Variants in WSCD2 observed in about 807,000 individuals in gnomAD.
WSCD2 encodes WSC domain sialate O sulfotransferase 2.
A neutral mutation model predicts 55.7 loss-of-function variants in WSCD2; 28 were observed. That is an observed-to-expected ratio of 0.50 (90% CI 0.37 to 0.69). WSCD2 has a LOEUF of 0.69. Among genes scored for constraint, WSCD2 ranks in the 30% least tolerant of loss-of-function variants. The probability of loss-of-function intolerance (pLI) is 0.00; values close to 1 mark genes in which losing one functional copy is unlikely to be tolerated. For synonymous variants in WSCD2, 301 were observed against 301.9 expected (o/e 1.00, Z 0.03); for missense variants, 616 against 762.1 (o/e 0.81, Z 2.26).
intron 1 of WSCD2, among the ~76,000 whole-genome samples, chr12:108,136,608 G>A (rs1876249008): frequency 6.6e-6 from 1 of 152,052 alleles, no homozygotes; most frequent in Admixed American, 6.5e-5. Context: ...GTGAGTTAAG[G>A]GACCCCAGTC....
At chr12:108,134,221 T>A (rs1875922171) in intron 1 of WSCD2, among the ~76,000 whole-genome samples, 1 of 152,180 alleles carries the variant, frequency 6.6e-6, no homozygotes, top group African/African-American at 2.4e-5. Context: ...GGTGCATCAC[T>A]GTTCCCATTT....
At chr12:108,133,865 G>T (rs1313940562) in intron 1 of WSCD2, among the ~76,000 whole-genome samples, 1 of 152,212 alleles carries the variant, frequency 6.6e-6, no homozygotes, top group African/African-American at 2.4e-5. Context: ...TTAGGCAGAA[G>T]GTCTGAAAAT....
intron 1 of WSCD2, among the ~76,000 whole-genome samples, chr12:108,143,729 C>T (rs1024801925): frequency 4.6e-5 from 7 of 152,206 alleles, no homozygotes; most frequent in Non-Finnish European, 7.3e-5. Context: ...ATCCTGAAGA[C>T]TCAACCTGAA....
chr12:108,227,827 T>C (rs1007051924), intron 6 of WSCD2, among the ~76,000 whole-genome samples: 4 of 152,048 alleles, frequency 2.6e-5, no homozygotes, highest in African/African-American at 7.2e-5. Context: ...ATAATGGTGA[T>C]GATAGTGATA....
chr12:108,139,697 A>G (rs921445156), intron 1 of WSCD2, among the ~76,000 whole-genome samples: 4 of 152,242 alleles, frequency 2.6e-5, no homozygotes, highest in Admixed American at 6.5e-5. Context: ...GTGAATTCAC[A>G]TAGAAGCCCA....
At chr12:108,146,588 G>A (rs76628703) in intron 1 of WSCD2, among the ~76,000 whole-genome samples, 12,251 of 152,308 alleles carry the variant, frequency 0.08, 646 homozygotes, top group Non-Finnish European at 0.11. Flanking sequence ...GAGATAAACT[G>A]TCCCAGATGG....
At position 108,216,951 on chromosome 12, in the gene WSCD2, T is replaced by G. The variant is rs1886910421; in HGVS notation, c.682+6646T>G. 2.0e-5 allele frequency among the ~76,000 whole-genome samples: 3 copies of G among 152,372 alleles called. No homozygotes were observed. In the South Asian group the frequency reaches 6.2e-4, roughly 32 times the overall value. On this transcript the variant is annotated intron_variant, in intron 4 of 8. Coordinates refer to ENST00000547525, the MANE Select transcript of WSCD2 (RefSeq NM_014653.4). ...AAGAGCAGGCATATTAATGGACTAC[T>G]GACAGCAAACAGTGCATGGGATCTA...
chr12:108,171,356 C>A (rs1165396410), intron 1 of WSCD2, among the ~76,000 whole-genome samples: 1 of 152,172 alleles, frequency 6.6e-6, no homozygotes, highest in Non-Finnish European at 1.5e-5. Context: ...CTCAGACACC[C>A]ATATTGCTAC....
intron 1 of WSCD2, among the ~76,000 whole-genome samples, chr12:108,179,265 G>A (rs12308028): frequency 2.0e-5 from 3 of 151,548 alleles, no homozygotes; most frequent in African/African-American, 7.3e-5. Flanking sequence ...AGCGGGGGAG[G>A]GGGGGCAGAG....
At chr12:108,223,155 T>C (rs960605900) in intron 4 of WSCD2, among the ~76,000 whole-genome samples, 1 of 152,224 alleles carries the variant, frequency 6.6e-6, no homozygotes, top group South Asian at 2.1e-4. Flanking sequence ...TAAGGTCAAC[T>C]AACGGTAGAT....
intron 1 of WSCD2, among the ~76,000 whole-genome samples, chr12:108,159,396 A>T (rs1878842947): frequency 6.6e-6 from 1 of 152,236 alleles, no homozygotes; most frequent in Non-Finnish European, 1.5e-5. Context: ...AACTACTCAC[A>T]GTATACCCAT....
chr12:108,138,532 A>G (rs1375125063), intron 1 of WSCD2, among the ~76,000 whole-genome samples: 1 of 152,220 alleles, frequency 6.6e-6, no homozygotes, highest in African/African-American at 2.4e-5. Context: ...GGGTTCTTAC[A>G]GGGATTCAAT....
At chr12:108,206,083 AC>A (rs1885326280) in intron 2 of WSCD2, among the ~76,000 whole-genome samples, 1 of 152,058 alleles carries the variant, frequency 6.6e-6, no homozygotes, top group Non-Finnish European at 1.5e-5. Flanking sequence ...AGAAGGCTTC[AC>A]TCCTCTCTAT....
chr12:108,244,758 G>A (rs1299432366), intron 8 of WSCD2, among the ~76,000 whole-genome samples: 2 of 152,180 alleles, frequency 1.3e-5, no homozygotes, highest in Non-Finnish European at 2.9e-5. Context: ...TGAAGGTAAA[G>A]TGAGCAGTAG....
Position 108,232,838 on chromosome 12 carries a change from T to C in WSCD2, c.1087T>C (p.Leu363=), listed in dbSNP as rs376376643. Residue 363 remains leucine (L), a synonymous_variant, in exon 7 of 9, where the codon TTG becomes CTG. Transcript: ENST00000547525. The stretch of plus-strand genomic sequence containing the variant: ...CACGTGGGCTCGCCACCTCATTGAA[T>C]TGGCCACAGGCTTCTACACTGGCAG... ...GNTWARHLIE[L]ATGFYTGSYY... The C allele has an allele frequency of 6.8e-6, 11 of 1,613,990 alleles. No individual in the cohort carries two copies. The African/African-American group carries it at 9.3e-5, about 14-fold the overall frequency.
intron 1 of WSCD2, among the ~76,000 whole-genome samples, chr12:108,155,780 A>G (rs980826507): frequency 9.9e-5 from 15 of 152,246 alleles, no homozygotes; most frequent in Non-Finnish European, 1.9e-4. Context: ...TGCCTGGCAC[A>G]TAGCTCCATA....
At chr12:108,237,535 T>C (rs1233411860) in intron 7 of WSCD2, among the ~76,000 whole-genome samples, 3 of 152,354 alleles carry the variant, frequency 2.0e-5, no homozygotes, top group East Asian at 3.9e-4. Flanking sequence ...AAAGCTTGCA[T>C]CCATGATTCC....
intron 1 of WSCD2, among the ~76,000 whole-genome samples, chr12:108,173,319 T>C (rs1171327735): frequency 6.6e-6 from 1 of 152,134 alleles, no homozygotes; most frequent in Non-Finnish European, 1.5e-5. Context: ...CTCTTGGCTG[T>C]GAGAAAGGCC....
chr12:108,198,683 C>T (rs946805002), intron 2 of WSCD2, among the ~76,000 whole-genome samples: 1 of 152,318 alleles, frequency 6.6e-6, no homozygotes, highest in South Asian at 2.1e-4. Context: ...ATGTAACATG[C>T]TTATAATATC....
Sources: gnomAD v4.1 joint callset for allele counts (sites outside exome capture counted in the v4.1 genomes callset) on GRCh38, gnomAD v4.1.1 for gene constraint, MANE v1.5 for transcripts, NCBI Gene and HGNC (gene_info 2026-07-23, HGNC 2026-07-21) for gene names.